The following SMO variants were observed in gnomAD, a reference collection of about 807,000 sequenced individuals.
The protein encoded by SMO is smoothened, frizzled class receptor, also known as protein smoothened.
Under a neutral mutation model 81.6 loss-of-function variants are expected in SMO, and 40 were observed. That is an observed-to-expected ratio of 0.49 (90% CI 0.38 to 0.64). The LOEUF (loss-of-function observed/expected upper bound fraction) is 0.64. Among genes scored for constraint, SMO ranks in the 30% least tolerant of loss-of-function variants. SMO has a pLI of 0.00. For synonymous variants in SMO, 434 were observed against 432.1 expected (o/e 1.00, Z -0.05); for missense variants, 916 against 1,061.1 (o/e 0.86, Z 1.90).
At chr7:129,201,962 T>G (rs893955144) in intron 1 of SMO, among the ~76,000 whole-genome samples, 1 of 152,176 alleles carries the variant, frequency 6.6e-6, no homozygotes, top group African/African-American at 2.4e-5. Flanking sequence ...ATTACAGGTG[T>G]GAGCCACTGC....
Position 129,196,049 on chromosome 7 carries a change from C to T in SMO, c.331+6567C>T, listed in dbSNP as rs6948132. ...CCAGGAGGCGGAGCTTGCAGTGAGCCGAGATCGTGCCACTGCACTCCAGCC... is the reference window on the plus strand; with the variant it reads ...CCAGGAGGCGGAGCTTGCAGTGAGCTGAGATCGTGCCACTGCACTCCAGCC... On this transcript the variant is annotated intron_variant, in intron 1 of 11. Coordinates refer to ENST00000249373, the MANE Select transcript of SMO (RefSeq NM_005631.5). 2.4e-3 allele frequency among the ~76,000 whole-genome samples: 344 copies of T among 146,190 alleles called. 1 individual carries two copies. The highest frequency in any genetic ancestry group is 0.011 in the Middle Eastern group (3 of 280).
In SMO at chr7:129,211,427, T is replaced by C; in HGVS notation, c.1802-209T>C. ...GTAAGTCAGGGTTCCAAGAACTGGATTTCTGGCCTCCAGTTAGGCCCTTTG... is the reference window on the plus strand; with the variant it reads ...GTAAGTCAGGGTTCCAAGAACTGGACTTCTGGCCTCCAGTTAGGCCCTTTG... On this transcript the variant is annotated intron_variant, in intron 10 of 11. Coordinates refer to ENST00000249373, the MANE Select transcript of SMO (RefSeq NM_005631.5). This position sits in a 1 kb window ranked among gnomAD's most constrained non-coding sequence, Gnocchi z 4.6. 1 of 719,804 alleles carries C rather than the reference T, an allele frequency of 1.4e-6. No individual in the cohort carries two copies. The highest frequency in any genetic ancestry group is 2.5e-6 in the Non-Finnish European group (1 of 401,610). 44.6% of individuals were successfully genotyped at this position (719,804 alleles called of 1,614,324 possible). A position where few individuals can be genotyped will look rare whatever the true frequency, so the allele number is the denominator to read the frequency against.
intron 1 of SMO, among the ~76,000 whole-genome samples, chr7:129,202,026 A>G (rs184810192): frequency 6.6e-6 from 1 of 152,138 alleles, no homozygotes; most frequent in Non-Finnish European, 1.5e-5. Flanking sequence ...GCCTGAGGAC[A>G]TTGCTTCTTA....
rs762630792 is a variant in SMO, at chr7:129,209,278, G to C, written c.1358-11G>C. On this transcript the variant is annotated splice_polypyrimidine_tract_variant and intron_variant, in intron 7 of 11. Coordinates refer to ENST00000249373, the MANE Select transcript of SMO (RefSeq NM_005631.5). ...CTTGGTAACGTCCTGTCCTGCCCCT[G>C]TCCTCCACAGGCATTTTTGGCTTCC... 9.0e-6 allele frequency: 14 copies of C among 1,563,944 alleles called. No individual in the cohort carries two copies. In the South Asian group the frequency reaches 1.6e-4, roughly 17 times the overall value.
At position 129,212,177 on chromosome 7, in the gene SMO, C is replaced by T. The variant is rs779110649; in HGVS notation, c.2090C>T (p.Ala697Val). The T allele has an allele frequency of 6.4e-7, 1 of 1,556,334 alleles. No individual in the cohort carries two copies. Among genetic ancestry groups the T allele is most frequent in the Non-Finnish European group, 8.7e-7 (1 of 1,149,818 alleles). The change falls in exon 12 of 12, where the codon GCC (alanine) becomes GTC (valine). Residue 697 changes from alanine (A) to valine (V), a missense_variant. Around this residue, in one of 4 missense-constraint regions of SMO, gnomAD observed 324 missense variants for 312.9 expected, o/e 1.04. Coordinates refer to ENST00000249373, the MANE Select transcript of SMO (RefSeq NM_005631.5). This position sits in a 1 kb window ranked among gnomAD's most constrained non-coding sequence, Gnocchi z 5.0. Reference sequence around the variant, plus strand: ...CCTGAGCTTCACCCCCCTGCCCCTGCCCCCAGTACCATTCCTCGACTGCCT... The same window carrying T: ...CCTGAGCTTCACCCCCCTGCCCCTGTCCCCAGTACCATTCCTCGACTGCCT... ...PPPELHPPAPAPSTIPRLPQL... is the reference protein window; with the variant it reads ...PPPELHPPAPVPSTIPRLPQL...
rs146905620 is a variant in SMO at position 129,198,497 on chromosome 7, T to G, written c.332-4887T>G. On this transcript the variant is annotated intron_variant, in intron 1 of 11. Transcript: ENST00000249373. ...ATAGACTGCTCTCCACTCAACTGAGTCCATGTAACATGACAACATTGGACA... is the reference window on the plus strand; with the variant it reads ...ATAGACTGCTCTCCACTCAACTGAGGCCATGTAACATGACAACATTGGACA... 5.3e-5 allele frequency among the ~76,000 whole-genome samples: 8 copies of G among 152,290 alleles called. No homozygotes were observed. In the East Asian group the frequency reaches 1.5e-3, roughly 29 times the overall value.
At position 129,212,527 on chromosome 7, in the gene SMO, T is replaced by G; in HGVS notation, c.*76T>G. Reference sequence around the variant, plus strand: ...GGCTCTTCTTCCTCACCGAGCATGCTTCCCTAGGATCCCGTCTTCCAGAGA... The same window carrying G: ...GGCTCTTCTTCCTCACCGAGCATGCGTCCCTAGGATCCCGTCTTCCAGAGA... On this transcript the variant is annotated 3_prime_UTR_variant, in exon 12 of 12. Transcript: ENST00000249373. This position sits in a 1 kb window ranked among gnomAD's most constrained non-coding sequence, Gnocchi z 5.0. The G allele has an allele frequency of 3.6e-6, 5 of 1,372,948 alleles. No homozygotes were observed. Among genetic ancestry groups the G allele is most frequent in the Non-Finnish European group, 4.0e-6 (4 of 1,000,706 alleles). 85.0% of individuals were successfully genotyped at this position (1,372,948 alleles called of 1,614,324 possible).
intron 1 of SMO, among the ~76,000 whole-genome samples, chr7:129,196,476 G>A (rs76781022): frequency 9.9e-4 from 150 of 151,854 alleles, no homozygotes; most frequent in African/African-American, 3.5e-3. Flanking sequence ...AAAATACTTG[G>A]TGATTTTTTA....
At chr7:129,197,685 T>A (rs1485123783) in intron 1 of SMO, among the ~76,000 whole-genome samples, 1 of 152,278 alleles carries the variant, frequency 6.6e-6, no homozygotes, top group African/African-American at 2.4e-5. Context: ...CCTCCCAAAG[T>A]GCTAGGATTA....
intron 1 of SMO, 136 bp from the exon 2 acceptor site, chr7:129,203,248 T>C: frequency 3.0e-6 from 2 of 666,590 alleles, no homozygotes; most frequent in Non-Finnish European, 5.2e-6. Flanking sequence ...AGATGCACTG[T>C]TGAGAAACAC....
chr7:129,205,784 T>C lies in SMO; in HGVS notation c.920+2T>C, dbSNP rs2150649452. The C allele has an allele frequency of 3.7e-6, 6 of 1,602,314 alleles. No individual in the cohort carries two copies. Among genetic ancestry groups the C allele is most frequent in the Non-Finnish European group, 5.1e-6 (6 of 1,178,002 alleles). ...CACCATGAGGCTTGGGGAGCCCACG[T>C]AGGTGTCTTGGGGACCCAGAGGTGA... On this transcript the variant is annotated splice_donor_variant, in intron 4 of 11. Coordinates refer to ENST00000249373, the MANE Select transcript of SMO (RefSeq NM_005631.5). LOFTEE classifies it high-confidence loss of function.
intron 1 of SMO, among the ~76,000 whole-genome samples, chr7:129,195,619 G>GTCAATATAA (rs1451294201): frequency 5.3e-5 from 8 of 151,374 alleles, no homozygotes; most frequent in African/African-American, 2.0e-4. Context: ...CAATTATATT[G>GTCAATATAA]ACATAATAGT....
At position 129,211,637 on chromosome 7, in the gene SMO, G is replaced by A. The variant is rs202128173; in HGVS notation, c.1803G>A (p.Ala601=). 9.9e-6 allele frequency: 16 copies of A among 1,612,548 alleles called. No individual in the cohort carries two copies. In the African/African-American group the frequency reaches 1.1e-4, roughly 11 times the overall value. ...CTTTCCTTCCTTCCATTCCCACAGC[G>A]GGCTTGGCCTTTGACCTCAATGAGC... is the stretch of plus-strand genomic sequence containing the variant. ...MHTVSHDGPV[A]GLAFDLNEPS... Residue 601 remains alanine, a splice_region_variant and synonymous_variant, in exon 11 of 12, where the codon GCG becomes GCA. Transcript: ENST00000249373. The surrounding 1 kb of genome is among the most constrained non-coding windows in gnomAD (Gnocchi z 4.6).
chr7:129,211,567 C>A lies in SMO; in HGVS notation c.1802-69C>A, dbSNP rs2150655362. 6.5e-7 allele frequency: 1 copy of A among 1,545,630 alleles called. No homozygotes were observed. The highest frequency in any genetic ancestry group is 1.1e-5 in the South Asian group (1 of 87,834). ...GCTGTGGGAAGATGAATGGCACTGA[C>A]TATGGGAGGCACTGCCAGGGACCGG... On this transcript the variant is annotated intron_variant, in intron 10 of 11. Coordinates refer to ENST00000249373, the MANE Select transcript of SMO (RefSeq NM_005631.5). This position sits in a 1 kb window ranked among gnomAD's most constrained non-coding sequence, Gnocchi z 4.6.
chr7:129,200,264 A>G lies in SMO; in HGVS notation c.332-3120A>G, dbSNP rs552108378. 2.2e-4 allele frequency among the ~76,000 whole-genome samples: 34 copies of G among 152,162 alleles called. 2 individuals are homozygous for G. In the South Asian group the frequency reaches 6.4e-3, roughly 29 times the overall value. ...ACCCCCGTCTCTACTAAAAATACAAAAAAAAAATTAGCCGGGTGTGGTGGC... is the reference window on the plus strand; with the variant it reads ...ACCCCCGTCTCTACTAAAAATACAAGAAAAAAATTAGCCGGGTGTGGTGGC... On this transcript the variant is annotated intron_variant, in intron 1 of 11. Coordinates refer to ENST00000249373, the MANE Select transcript of SMO (RefSeq NM_005631.5).
At position 129,189,485 on chromosome 7, in the gene SMO, A is replaced by G. The variant is rs1355380910; in HGVS notation, c.331+3A>G. 3 of 1,536,054 alleles carry G rather than the reference A, an allele frequency of 2.0e-6. No homozygotes were observed. Among genetic ancestry groups the G allele is most frequent in the Non-Finnish European group, 1.7e-6 (2 of 1,146,632 alleles). On this transcript the variant is annotated splice_donor_region_variant and intron_variant, in intron 1 of 11. Coordinates refer to ENST00000249373, the MANE Select transcript of SMO (RefSeq NM_005631.5). This position sits in a 1 kb window ranked among gnomAD's most constrained non-coding sequence, Gnocchi z 4.7. ...CGGCAAGCTCGTGCTCTGGTCGGGT[A>G]AGTGCGGCGGAGCCGGGTCTGGGGG...
rs1046971689 is a variant in SMO at position 129,208,309 on chromosome 7, G to A, written c.1265-450G>A. ...CTTTACAAAAATACAAAAATTAGCC[G>A]GCGTGATGGTAGGTGCCTGTGATCC... On this transcript the variant is annotated intron_variant, in intron 6 of 11. Transcript: ENST00000249373. The surrounding 1 kb of genome is among the most constrained non-coding windows in gnomAD (Gnocchi z 5.2). Among the ~76,000 whole-genome samples the A allele has an allele frequency of 3.9e-5, 6 of 152,080 alleles. No individual in the cohort carries two copies. The highest frequency in any genetic ancestry group is 1.9e-4 in the East Asian group (1 of 5,160).
intron 1 of SMO, among the ~76,000 whole-genome samples, chr7:129,201,010 T>A (rs1793659580): frequency 6.6e-6 from 1 of 151,820 alleles, no homozygotes; most frequent in South Asian, 2.1e-4. Flanking sequence ...GTGCTGGGAT[T>A]ACAGGCATGA....
intron 1 of SMO, among the ~76,000 whole-genome samples, chr7:129,195,958 G>A (rs1005584175): frequency 5.9e-5 from 9 of 151,906 alleles, no homozygotes; most frequent in South Asian, 2.1e-4. Context: ...AAAATTAGCC[G>A]GGCGCGGTGG....
Sources: allele counts gnomAD v4.1 joint callset (sites outside exome capture counted in the v4.1 genomes callset), GRCh38; gene constraint gnomAD v4.1.1; regional missense constraint gnomAD v4.1.1; non-coding constraint Gnocchi (gnomAD v3.1); transcripts MANE v1.5; gene names NCBI Gene and HGNC (gene_info 2026-07-23, HGNC 2026-07-21).